SCAP: variants seen among roughly 807,000 people sequenced by gnomAD.
The protein encoded by SCAP is sterol regulatory element-binding protein cleavage-activating protein.
A neutral mutation model predicts 123.6 loss-of-function variants in SCAP; 65 were observed. That is an observed-to-expected ratio of 0.53 (90% CI 0.43 to 0.65). The LOEUF (loss-of-function observed/expected upper bound fraction) is 0.65. Among genes scored for constraint, SCAP ranks in the 30% least tolerant of loss-of-function variants. The pLI, the probability that SCAP is intolerant of heterozygous loss-of-function variation, is 0.00. For synonymous variants in SCAP, 740 were observed against 726.3 expected (o/e 1.02, Z -0.30); for missense variants, 1,398 against 1,712.5 (o/e 0.82, Z 3.24).
intron 1 of SCAP, among the ~76,000 whole-genome samples, chr3:47,445,320 CA>C (rs1450821366): frequency 1.3e-5 from 2 of 148,348 alleles, no homozygotes; most frequent in African/African-American, 2.5e-5. Flanking sequence ...AATCTCCACT[CA>C]ATGCAACCTC....
At chr3:47,463,422 C>T (rs969734563) in intron 1 of SCAP, among the ~76,000 whole-genome samples, 4 of 152,146 alleles carry the variant, frequency 2.6e-5, no homozygotes, top group South Asian at 2.1e-4. Context: ...TCCAGTGGGC[C>T]GGGGTGCGGT....
At chr3:47,453,983 T>C (rs1218252718) in intron 1 of SCAP, among the ~76,000 whole-genome samples, 1 of 152,212 alleles carries the variant, frequency 6.6e-6, no homozygotes, top group African/African-American at 2.4e-5. Flanking sequence ...AGTACTAATG[T>C]TAAAACAATG....
At position 47,414,113 on chromosome 3, in the gene SCAP, CA is replaced by C; in HGVS notation, c.3595-15del. 1 of 1,613,480 alleles carries C rather than the reference CA, an allele frequency of 6.2e-7. No individual in the cohort carries two copies. Among genetic ancestry groups the C allele is most frequent in the East Asian group, 2.2e-5 (1 of 44,884 alleles). ...ACAGCCCAGGTCCTGGAGGCAAGGA[CA>C]TGACAAGCTCAGTCCTGAGTCCTTC... On this transcript the variant is annotated splice_polypyrimidine_tract_variant and intron_variant, in intron 22 of 22. Coordinates refer to ENST00000265565, the MANE Select transcript of SCAP (RefSeq NM_012235.4).
At position 47,420,407 on chromosome 3, in the gene SCAP, AC is replaced by A; in HGVS notation, c.1563+146del. Reference sequence around the variant, plus strand: ...CTAGGGTCTGGGCAGGGAGGACACAACGGGCAACTCCCCAGAGCCAGGCTTC... The same window carrying A: ...CTAGGGTCTGGGCAGGGAGGACACAAGGGCAACTCCCCAGAGCCAGGCTTC... On this transcript the variant is annotated intron_variant, in intron 12 of 22. Coordinates refer to ENST00000265565, the MANE Select transcript of SCAP (RefSeq NM_012235.4). This position sits in a 1 kb window ranked among gnomAD's most constrained non-coding sequence, Gnocchi z 5.0. The A allele has an allele frequency of 1.4e-6, 1 of 694,952 alleles. No homozygotes were observed. The highest frequency in any genetic ancestry group is 2.4e-6 in the Non-Finnish European group (1 of 423,790). 43.0% of individuals were successfully genotyped at this position (694,952 alleles called of 1,614,324 possible).
Position 47,420,904 on chromosome 3 carries a change from G to T in SCAP, c.1344+27C>A. 6.2e-7 allele frequency: 1 copy of T among 1,603,048 alleles called. No individual in the cohort carries two copies. The highest frequency in any genetic ancestry group is 8.5e-7 in the Non-Finnish European group (1 of 1,170,208). The stretch of plus-strand genomic sequence containing the variant: ...AGTACAGCCAGGGCTGAGGAGGCGG[G>T]CAGGGCAGGGCTCAGCCCACTCCTA... On this transcript the variant is annotated intron_variant, in intron 11 of 22. Coordinates refer to ENST00000265565, the MANE Select transcript of SCAP (RefSeq NM_012235.4). This position sits in a 1 kb window ranked among gnomAD's most constrained non-coding sequence, Gnocchi z 5.0.
chr3:47,424,661 G>T (rs1303765010), intron 8 of SCAP, among the ~76,000 whole-genome samples: 1 of 152,226 alleles, frequency 6.6e-6, no homozygotes, highest in Non-Finnish European at 1.5e-5. Flanking sequence ...AAGGAAGGGA[G>T]GGCCCTGTGA....
rs2107734057 is a variant in SCAP at position 47,413,690 on chromosome 3, A to G, written c.*164T>C. 1 of 964,882 alleles carries G rather than the reference A, an allele frequency of 1.0e-6. No homozygotes were observed. 59.8% of individuals were successfully genotyped at this position (964,882 alleles called of 1,614,324 possible). On this transcript the variant is annotated 3_prime_UTR_variant, in exon 23 of 23. Coordinates refer to ENST00000265565, the MANE Select transcript of SCAP (RefSeq NM_012235.4). ...TTCCAAGAGACACAAGTAGCTCCCA[A>G]AGTGCCTGACAGATGATGATATGGT...
At chr3:47,476,102 C>T (rs544857087), upstream of SCAP, 1 of 151,254 alleles carries the variant, frequency 6.6e-6, no homozygotes, top group Non-Finnish European at 1.5e-5. Flanking sequence ...CGGGCCGGGC[C>T]GGGCGGAGCG....
intron 21 of SCAP, 48 bp from the exon 22 acceptor site, chr3:47,414,434 T>G: frequency 2.5e-6 from 4 of 1,605,788 alleles, no homozygotes; most frequent in Non-Finnish European, 2.6e-6. Context: ...GTAATACCTC[T>G]GTCAACAGTG....
At chr3:47,463,839 G>T (rs957269590) in intron 1 of SCAP, among the ~76,000 whole-genome samples, 4 of 151,970 alleles carry the variant, frequency 2.6e-5, no homozygotes, top group South Asian at 2.1e-4. Context: ...AAGTTTTTTG[G>T]TTTTTTGTTT....
chr3:47,433,377 C>T (rs1240669386), intron 3 of SCAP, among the ~76,000 whole-genome samples: 3 of 152,138 alleles, frequency 2.0e-5, no homozygotes, highest in Non-Finnish European at 4.4e-5. Context: ...AGGAAATGGA[C>T]AATGCTCCTG....
chr3:47,463,691 G>A (rs545532825), intron 1 of SCAP, among the ~76,000 whole-genome samples: 3 of 152,104 alleles, frequency 2.0e-5, no homozygotes, highest in East Asian at 1.9e-4. Flanking sequence ...AAGTGACAAA[G>A]TGAGACTGTC....
chr3:47,423,568 A>T (rs1372122671), intron 9 of SCAP, among the ~76,000 whole-genome samples: 1 of 151,978 alleles, frequency 6.6e-6, no homozygotes, highest in Non-Finnish European at 1.5e-5. Context: ...TAATTTTTCT[A>T]TCTTTTGTAG....
chr3:47,447,695 A>G (rs189119290), intron 1 of SCAP, among the ~76,000 whole-genome samples: 24 of 151,710 alleles, frequency 1.6e-4, no homozygotes, highest in African/African-American at 5.6e-4. Flanking sequence ...ACTCAAAAAA[A>G]AAAAGAAAAG....
chr3:47,425,045 A>T (rs1706063816), intron 8 of SCAP, among the ~76,000 whole-genome samples: 1 of 152,192 alleles, frequency 6.6e-6, no homozygotes, highest in South Asian at 2.1e-4. Flanking sequence ...AGGCATTTAA[A>T]TGTTCTAATC....
At chr3:47,434,087 G>C (rs1274597367) in intron 3 of SCAP, among the ~76,000 whole-genome samples, 2 of 152,208 alleles carry the variant, frequency 1.3e-5, no homozygotes, top group Non-Finnish European at 2.9e-5. Context: ...ACCATGTATA[G>C]TTGTGCCACA....
In SCAP at chr3:47,475,823, TGCGGCG is replaced by T. The variant is rs562562485; in HGVS notation, c.-129_-124del. The T allele has an allele frequency of 4.6e-3, 730 of 158,354 alleles. 9 individuals are homozygous for T. The highest frequency in any genetic ancestry group is 0.017 in the African/African-American group (707 of 41,428). The allele number at this position is 158,354 out of a possible 1,614,324, so 9.8% of individuals were successfully genotyped here. ...CCTGTGGTGGCAGCACCTCCCAAGC[TGCGGCG>T]GCGGCGGCGGCGGCGACGGGGGCGG... On this transcript the variant is annotated 5_prime_UTR_variant, in exon 1 of 23. Transcript: ENST00000265565.
In SCAP at chr3:47,414,067, G is replaced by A; in HGVS notation, c.3627C>T (p.Ile1209=). The A allele has an allele frequency of 6.2e-7, 1 of 1,613,410 alleles. No homozygotes were observed. Among genetic ancestry groups the A allele is most frequent in the South Asian group, 1.1e-5 (1 of 91,084 alleles). ...DLGCGASLGV[I]SDNLLVTGGQ... ...CGCCAGTCACCAGCAGGTTGTCTGA[G>A]ATGACACCCAAGCTTGCACCACAGC... The change falls in exon 23 of 23, where the codon ATC becomes ATT. Residue 1209 remains isoleucine, a synonymous_variant. Transcript: ENST00000265565.
intron 14 of SCAP, 29 bp downstream of exon 14, chr3:47,418,626 T>TTACCA: frequency 6.9e-7 from 1 of 1,459,578 alleles, no homozygotes; most frequent in Non-Finnish European, 9.5e-7. Context: ...CCGCACTCTT[T>TTACCA]CCCACCCCAC....
Sources: allele counts gnomAD v4.1 joint callset (sites outside exome capture counted in the v4.1 genomes callset), GRCh38; gene constraint gnomAD v4.1.1; non-coding constraint Gnocchi (gnomAD v3.1); transcripts MANE v1.5; gene names NCBI Gene and HGNC (gene_info 2026-07-23, HGNC 2026-07-21).